The following SORCS2 variants were observed in gnomAD, a reference collection of about 807,000 sequenced individuals.
The protein encoded by SORCS2 is sortilin related VPS10 domain containing receptor 2.
Under a neutral mutation model 141.6 loss-of-function variants are expected in SORCS2, and 100 were observed. The observed-to-expected ratio is 0.71, with a 90% CI of 0.60 to 0.83. The LOEUF (loss-of-function observed/expected upper bound fraction) is 0.83. Ranked by LOEUF, SORCS2 falls within the 40% of genes least tolerant of loss-of-function variation. The pLI, the probability that SORCS2 is intolerant of heterozygous loss-of-function variation, is 0.00. For synonymous variants in SORCS2, 789 were observed against 676.9 expected (o/e 1.17, Z -2.57); for missense variants, 1,646 against 1,560.2 (o/e 1.05, Z -0.93).
At chr4:7,726,217 G>T (rs1727210062) in intron 20 of SORCS2, among the ~76,000 whole-genome samples, 1 of 152,218 alleles carries the variant, frequency 6.6e-6, no homozygotes, top group Non-Finnish European at 1.5e-5. Context: ...GATCACATGG[G>T]CAGGGAGTGA....
intron 3 of SORCS2, among the ~76,000 whole-genome samples, chr4:7,578,601 G>A (rs1715928295): frequency 6.6e-6 from 1 of 152,188 alleles, no homozygotes; most frequent in Non-Finnish European, 1.5e-5. Flanking sequence ...TCTTTTACAT[G>A]TAAAGTGTGT....
At chr4:7,338,987 C>T (rs1234423181) in intron 1 of SORCS2, among the ~76,000 whole-genome samples, 1 of 152,196 alleles carries the variant, frequency 6.6e-6, no homozygotes, top group African/African-American at 2.4e-5. Context: ...CCCCCTGACA[C>T]ACTTCTGGCA....
chr4:7,203,102 G>C (rs761252678), intron 1 of SORCS2, among the ~76,000 whole-genome samples: 6 of 152,158 alleles, frequency 3.9e-5, no homozygotes, highest in Non-Finnish European at 7.3e-5. Flanking sequence ...GCTGTGGTTT[G>C]AATTCCTTCA....
At chr4:7,401,311 G>A (rs2109126946) in intron 2 of SORCS2, among the ~76,000 whole-genome samples, 1 of 151,608 alleles carries the variant, frequency 6.6e-6, no homozygotes, top group Non-Finnish European at 1.5e-5. Context: ...GGATGGATAG[G>A]CAGACAGATG....
chr4:7,624,077 A>G (rs906368350), intron 3 of SORCS2, among the ~76,000 whole-genome samples: 1 of 152,212 alleles, frequency 6.6e-6, no homozygotes, highest in Admixed American at 6.5e-5. Context: ...CATTTGGTCC[A>G]GTGCCCGGCA....
chr4:7,272,447 G>T (rs1452347643), intron 1 of SORCS2, among the ~76,000 whole-genome samples: 2 of 152,252 alleles, frequency 1.3e-5, no homozygotes, highest in African/African-American at 4.8e-5. Flanking sequence ...TCAATGAAAT[G>T]TGGTAATAAT....
intron 1 of SORCS2, among the ~76,000 whole-genome samples, chr4:7,256,541 C>T (rs1713883171): frequency 6.6e-6 from 1 of 151,954 alleles, no homozygotes; most frequent in South Asian, 2.1e-4. Context: ...TCATTGAATA[C>T]CCACAAATGC....
intron 2 of SORCS2, among the ~76,000 whole-genome samples, chr4:7,411,973 A>G (rs1577517728): frequency 6.6e-6 from 1 of 152,088 alleles, no homozygotes; most frequent in Non-Finnish European, 1.5e-5. Flanking sequence ...AGCCCAGCAC[A>G]CCCCCACCAT....
chr4:7,531,518 C>T lies in SORCS2; in HGVS notation c.549-12C>T, dbSNP rs895824773. On this transcript the variant is annotated splice_polypyrimidine_tract_variant and intron_variant, in intron 2 of 26. Transcript: ENST00000507866. ...GGGTACATGGCTGACGGCTGTCCCC[C>T]TTTTCCCCCAGGTCATCAGATTTCG... is the stretch of plus-strand genomic sequence containing the variant. The T allele has an allele frequency of 1.2e-6, 2 of 1,612,582 alleles. No individual in the cohort carries two copies. The highest frequency in any genetic ancestry group is 2.2e-5 in the East Asian group (1 of 44,868).
intron 3 of SORCS2, among the ~76,000 whole-genome samples, chr4:7,557,027 C>A (rs1714184295): frequency 6.6e-6 from 1 of 151,926 alleles, no homozygotes; most frequent in Non-Finnish European, 1.5e-5. Flanking sequence ...GTCCACTCAT[C>A]CATCCATCCC....
chr4:7,533,291 C>T (rs927033596), intron 3 of SORCS2, among the ~76,000 whole-genome samples: 4 of 152,210 alleles, frequency 2.6e-5, no homozygotes, highest in Non-Finnish European at 5.9e-5. Flanking sequence ...GGGGCAGACA[C>T]TCTGCCTTCC....
intron 3 of SORCS2, among the ~76,000 whole-genome samples, chr4:7,597,527 T>C (rs1312234413): frequency 4.8e-5 from 2 of 42,042 alleles, no homozygotes; most frequent in Non-Finnish European, 9.0e-5. Context: ...GGTTACACAA[T>C]GGCGGGGGGC....
At chr4:7,696,654 C>T (rs1316791817) in intron 11 of SORCS2, among the ~76,000 whole-genome samples, 1 of 152,228 alleles carries the variant, frequency 6.6e-6, no homozygotes, top group Non-Finnish European at 1.5e-5. Context: ...AAACCACATT[C>T]TGCACCCCCA....
At chr4:7,244,452 C>T (rs1009153685) in intron 1 of SORCS2, among the ~76,000 whole-genome samples, 3 of 152,264 alleles carry the variant, frequency 2.0e-5, no homozygotes, top group African/African-American at 2.4e-5. Flanking sequence ...CCACCACACC[C>T]GCTGCTCCGT....
intron 2 of SORCS2, among the ~76,000 whole-genome samples, chr4:7,413,212 C>G (rs1725440681): frequency 6.6e-6 from 1 of 152,052 alleles, no homozygotes; most frequent in Non-Finnish European, 1.5e-5. Flanking sequence ...TCATCATAAA[C>G]ACGGCGTAAA....
intron 3 of SORCS2, among the ~76,000 whole-genome samples, chr4:7,550,776 C>T (rs1048607975): frequency 6.6e-6 from 1 of 152,150 alleles, no homozygotes; most frequent in Non-Finnish European, 1.5e-5. Flanking sequence ...GTCATTTTAC[C>T]AAACAAAGTG....
At chr4:7,710,420 CTGT>C (rs1044716261) in intron 14 of SORCS2, among the ~76,000 whole-genome samples, 11 of 152,074 alleles carry the variant, frequency 7.2e-5, no homozygotes, top group African/African-American at 2.4e-4. Context: ...GCACCAGTGG[CTGT>C]TGCTGCTGCT....
In SORCS2 at chr4:7,368,965, G is replaced by A. The variant is rs755185165; in HGVS notation, c.481-27323G>A. Among the ~76,000 whole-genome samples, 31 of 152,028 alleles carry A rather than the reference G, an allele frequency of 2.0e-4. 1 individual carries two copies. The highest frequency in any genetic ancestry group is 5.1e-4 in the African/African-American group (21 of 41,404). ...TCTGTGTGCATCATGTGAGCTTTCC[G>A]CCATCATGGTGAGGCCTCCCCAGCC... On this transcript the variant is annotated intron_variant, in intron 1 of 26. Coordinates refer to ENST00000507866, the MANE Select transcript of SORCS2 (RefSeq NM_020777.3).
intron 2 of SORCS2, among the ~76,000 whole-genome samples, chr4:7,501,982 T>C (rs539826339): frequency 7.9e-5 from 12 of 152,344 alleles, no homozygotes; most frequent in East Asian, 1.9e-4. Context: ...TCCCGGCTTC[T>C]GTGGACGCTG....
Sources: gnomAD v4.1 joint callset for allele counts (sites outside exome capture counted in the v4.1 genomes callset) on GRCh38, gnomAD v4.1.1 for gene constraint, MANE v1.5 for transcripts, NCBI Gene and HGNC (gene_info 2026-07-23, HGNC 2026-07-21) for gene names.